Variants in NUP98 observed in about 807,000 individuals in gnomAD.
The protein encoded by NUP98 is nucleoporin 98 and 96 precursor.
In NUP98, 26 loss-of-function variants were observed where a neutral mutation model predicts 191.9. The ratio of observed to expected loss-of-function variants is 0.14; its 90% CI spans 0.10 to 0.19. The LOEUF is 0.19. Among genes scored for constraint, NUP98 ranks in the 10% least tolerant of loss-of-function variants. The pLI, the probability that NUP98 is intolerant of heterozygous loss-of-function variation, is 1.00. For missense variants in NUP98, 1,941 were observed against 2,178.8 expected, an observed-to-expected ratio of 0.89 and a Z score of 2.17; for synonymous variants, 808 against 778.4, an observed-to-expected ratio of 1.04 and a Z score of -0.63.
Position 3,700,938 on chromosome 11 carries a change from C to T in NUP98, c.3513-99G>A, listed in dbSNP as rs145528110. On this transcript the variant is annotated intron_variant, in intron 23 of 32. Coordinates refer to ENST00000324932, the MANE Select transcript of NUP98 (RefSeq NM_016320.5). ...CACTGTTTCTTTTTATGATTACAAACGGAATGCAAACATTTCACTGTAGTT... is the reference window on the plus strand; with the variant it reads ...CACTGTTTCTTTTTATGATTACAAATGGAATGCAAACATTTCACTGTAGTT... The T allele has an allele frequency of 7.5e-3, 5,950 of 796,512 alleles. 39 individuals are homozygous for T. The highest frequency in any genetic ancestry group is 0.01 in the Non-Finnish European group (5,289 of 503,982). 49.3% of individuals were successfully genotyped at this position (796,512 alleles called of 1,614,324 possible).
At chr11:3,693,042 A>G in intron 27 of NUP98, 190 bp downstream of exon 27, 1 of 561,584 alleles carries the variant, frequency 1.8e-6, no homozygotes. Flanking sequence ...AGGCAGGAAA[A>G]CAGCAGTGAG....
intron 26 of NUP98, among the ~76,000 whole-genome samples, chr11:3,693,910 T>TAA (rs1589971393): frequency 6.6e-6 from 1 of 152,074 alleles, no homozygotes; most frequent in Admixed American, 6.6e-5. Context: ...CCAACAGCCA[T>TAA]AAAATGGAAC....
intron 23 of NUP98, 21 bp downstream of exon 23, chr11:3,702,442 G>C (rs777263232): frequency 5.0e-6 from 8 of 1,584,808 alleles, no homozygotes; most frequent in African/African-American, 1.4e-5. Flanking sequence ...TTCTCAAAAA[G>C]CATCAAGAAA....
chr11:3,693,314 G>A lies in NUP98; in HGVS notation c.4229C>T (p.Ser1410Phe). The A allele has an allele frequency of 6.2e-7, 1 of 1,614,174 alleles. No homozygotes were observed. Among genetic ancestry groups the A allele is most frequent in the Non-Finnish European group, 8.5e-7 (1 of 1,180,040 alleles). ...CAAATACCAAAGATGGATAGCCAGG[G>A]AGCGTTTCCAATCCAACTGGGAGCA... ...NVCSQLDWKR[S>F]LAIHLWYLLP... is the part of the protein sequence containing the mutation. The change falls in exon 27 of 33, where the codon TCC (serine) becomes TTC (phenylalanine). Residue 1410 changes from serine to phenylalanine, a missense_variant. By Grantham distance (155) the Ser-to-Phe change is radical. Coordinates refer to ENST00000324932, the MANE Select transcript of NUP98 (RefSeq NM_016320.5).
intron 26 of NUP98, among the ~76,000 whole-genome samples, chr11:3,694,190 G>A (rs2078421909): frequency 6.6e-6 from 1 of 151,878 alleles, no homozygotes; most frequent in Non-Finnish European, 1.5e-5. Flanking sequence ...TGGCCAACAT[G>A]GGGAAACCCG....
rs2081129203 is a variant in NUP98, at chr11:3,760,519, A to G, written c.1174+20T>C. On this transcript the variant is annotated intron_variant, in intron 10 of 32. Coordinates refer to ENST00000324932, the MANE Select transcript of NUP98 (RefSeq NM_016320.5). ...TAGAAGTGTTTGTATTGGTTCCTAA[A>G]GTCAGGGTTGGTTTGTTACCAAAGA... The G allele has an allele frequency of 6.2e-7, 1 of 1,614,134 alleles. No individual in the cohort carries two copies. The highest frequency in any genetic ancestry group is 1.3e-5 in the African/African-American group (1 of 75,064).
At chr11:3,732,105 G>A (rs1457057810) in intron 13 of NUP98, among the ~76,000 whole-genome samples, 4 of 152,086 alleles carry the variant, frequency 2.6e-5, no homozygotes, top group East Asian at 1.9e-4. Context: ...CTGTTAGCTG[G>A]ACAGTGGAAG....
Position 3,782,151 on chromosome 11 carries a change from A to G in NUP98, c.-28-6T>C. 6.7e-7 allele frequency: 1 copy of G among 1,483,692 alleles called. No homozygotes were observed. The highest frequency in any genetic ancestry group is 9.3e-7 in the Non-Finnish European group (1 of 1,069,886). 91.9% of individuals were successfully genotyped at this position (1,483,692 alleles called of 1,614,324 possible). A position where few individuals can be genotyped will look rare whatever the true frequency, so the allele number is the denominator to read the frequency against. On this transcript the variant is annotated splice_region_variant and splice_polypyrimidine_tract_variant and intron_variant, in intron 1 of 32. Coordinates refer to ENST00000324932, the MANE Select transcript of NUP98 (RefSeq NM_016320.5). ...TGAGTCTTTGTTTCAGAAAGCTGGG[A>G]AAAAGAAAACATTATCACTCTCTTA...
At chr11:3,728,660 A>C (rs1051868935) in intron 14 of NUP98, among the ~76,000 whole-genome samples, 1 of 152,008 alleles carries the variant, frequency 6.6e-6, no homozygotes, top group African/African-American at 2.4e-5. Context: ...AGTGGAGTGA[A>C]CCCAGGAGGC....
intron 4 of NUP98, among the ~76,000 whole-genome samples, chr11:3,776,285 C>G (rs895963317): frequency 2.0e-5 from 3 of 151,732 alleles, no homozygotes; most frequent in Non-Finnish European, 4.4e-5. Flanking sequence ...CCACACCCAG[C>G]TAATTTTTTT....
chr11:3,702,384 G>T, intron 23 of NUP98, 79 bp downstream of exon 23: 6 of 850,186 alleles, frequency 7.1e-6, no homozygotes, highest in East Asian at 2.9e-5. Flanking sequence ...AGATGACAAA[G>T]CAGGGCCCTA....
chr11:3,761,240 C>G (rs1409257698), intron 9 of NUP98, among the ~76,000 whole-genome samples: 1 of 152,176 alleles, frequency 6.6e-6, no homozygotes, highest in Admixed American at 6.5e-5. Context: ...GATAGTTGCA[C>G]ACTTTGTTGA....
At chr11:3,690,797 T>C (rs1054796906) in intron 28 of NUP98, among the ~76,000 whole-genome samples, 4 of 151,980 alleles carry the variant, frequency 2.6e-5, no homozygotes, top group African/African-American at 9.7e-5. Context: ...AAAACCTAAC[T>C]GTCCATCAAC....
intron 12 of NUP98, among the ~76,000 whole-genome samples, chr11:3,739,876 C>G (rs953651404): frequency 6.6e-6 from 1 of 152,052 alleles, no homozygotes; most frequent in Non-Finnish European, 1.5e-5. Flanking sequence ...ATTTCCTCCT[C>G]TGCCACCCCT....
At chr11:3,765,801 C>CAAA (rs368424606) in intron 8 of NUP98, among the ~76,000 whole-genome samples, 7,109 of 115,038 alleles carry the variant, frequency 0.062, 194 homozygotes, top group Middle Eastern at 0.12. Context: ...GACTCTGTCT[C>CAAA]AAAAAAAAAA....
chr11:3,778,753 T>C, intron 4 of NUP98, 120 bp downstream of exon 4: 4 of 1,015,256 alleles, frequency 3.9e-6, no homozygotes, highest in East Asian at 2.4e-5. Flanking sequence ...TCCTCTTCCC[T>C]TGTTTTTGCC....
At chr11:3,722,821 A>G (rs1238389954) in intron 16 of NUP98, among the ~76,000 whole-genome samples, 1 of 152,278 alleles carries the variant, frequency 6.6e-6, no homozygotes, top group East Asian at 1.9e-4. Context: ...AAGAAAAAAC[A>G]AACAAACAAA....
intron 20 of NUP98, among the ~76,000 whole-genome samples, chr11:3,709,461 T>C (rs541514696): frequency 3.2e-4 from 48 of 151,986 alleles, no homozygotes; most frequent in Admixed American, 5.2e-4. Flanking sequence ...TCCCAGCACA[T>C]TGGGAGGCCA....
intron 8 of NUP98, 47 bp from the exon 9 acceptor site, chr11:3,763,086 C>T (rs370036432): frequency 9.1e-6 from 14 of 1,545,448 alleles, no homozygotes; most frequent in Middle Eastern, 1.7e-4. Context: ...TAATAGTTTC[C>T]GTAACGAATC....
Sources: gnomAD v4.1 joint callset for allele counts (sites outside exome capture counted in the v4.1 genomes callset) on GRCh38, gnomAD v4.1.1 for gene constraint, MANE v1.5 for transcripts, NCBI Gene and HGNC (gene_info 2026-07-23, HGNC 2026-07-21) for gene names.